CNOT1: variants seen among roughly 807,000 people sequenced by gnomAD.
CNOT1 encodes CCR4-NOT transcription complex subunit 1.
CNOT1 carries 15 observed loss-of-function variants against 273.8 expected under a neutral mutation model. That is an observed-to-expected ratio of 0.05 (90% CI 0.04 to 0.08). CNOT1 has a LOEUF of 0.08. Among genes scored for constraint, CNOT1 ranks in the 10% least tolerant of loss-of-function variants. The probability of loss-of-function intolerance (pLI) is 1.00; values close to 1 mark genes in which losing one functional copy is unlikely to be tolerated. For synonymous variants in CNOT1, 1,022 were observed against 1,005.5 expected (o/e 1.02, Z -0.31); for missense variants, 1,644 against 2,912.2 (o/e 0.56, Z 10.02).
At chr16:58,615,018 G>T (rs1197386529) in intron 1 of CNOT1, among the ~76,000 whole-genome samples, 2 of 69,490 alleles carry the variant, frequency 2.9e-5, no homozygotes, top group East Asian at 2.7e-4. Flanking sequence ...TGTATCCTTT[G>T]CTATTTAAAA....
At chr16:58,549,296 G>GAAAA in intron 25 of CNOT1, among the ~76,000 whole-genome samples, 2 of 119,584 alleles carry the variant, frequency 1.7e-5, no homozygotes, top group Non-Finnish European at 3.4e-5. Context: ...CAAAAAAATT[G>GAAAA]AAAAAAAAAA....
In CNOT1 at chr16:58,543,034, A is replaced by G. The variant is rs1597426409; in HGVS notation, c.4435-466T>C. On this transcript the variant is annotated intron_variant, in intron 31 of 48. Transcript: ENST00000317147. The stretch of plus-strand genomic sequence containing the variant: ...GTTGAACCTCAGAGGTGGAGGATGC[A>G]GTGAGCCAAGACTGCACCACTGTAC... 3 of 1,044,562 alleles carry G rather than the reference A, an allele frequency of 2.9e-6. No homozygotes were observed. In the East Asian group the frequency reaches 1.9e-4, roughly 65 times the overall value. The allele number at this position is 1,044,562 out of a possible 1,614,324, so 64.7% of individuals were successfully genotyped here.
intron 1 of CNOT1, among the ~76,000 whole-genome samples, chr16:58,622,805 C>G (rs1433645984): frequency 2.0e-5 from 3 of 150,800 alleles, no homozygotes; most frequent in African/African-American, 7.3e-5. Context: ...TGAGATCGCA[C>G]CACTGCACTC....
At chr16:58,561,382 C>T (rs1291283893) in intron 16 of CNOT1, among the ~76,000 whole-genome samples, 7 of 152,104 alleles carry the variant, frequency 4.6e-5, no homozygotes. Flanking sequence ...ACCACTTTGT[C>T]AAAAATTATG....
chr16:58,531,593 TA>T (rs1470648949), intron 42 of CNOT1, among the ~76,000 whole-genome samples: 4 of 152,052 alleles, frequency 2.6e-5, no homozygotes, highest in Non-Finnish European at 4.4e-5. Flanking sequence ...ATTTCAACTT[TA>T]AAAACAACAC....
intron 30 of CNOT1, among the ~76,000 whole-genome samples, chr16:58,544,394 T>C (rs1025642220): frequency 9.9e-5 from 15 of 152,210 alleles, no homozygotes; most frequent in African/African-American, 3.6e-4. Context: ...AATCTTTTAT[T>C]GCAGGTGTAA....
chr16:58,544,201 A>G (rs1411384434), intron 30 of CNOT1, among the ~76,000 whole-genome samples: 1 of 152,218 alleles, frequency 6.6e-6, no homozygotes, highest in Non-Finnish European at 1.5e-5. Flanking sequence ...TGGCTTATTT[A>G]AAATTTGTGG....
rs1025799342 is a variant in CNOT1, at chr16:58,599,457, T to G, written c.-120A>C. 3 of 1,223,106 alleles carry G rather than the reference T, an allele frequency of 2.5e-6. No individual in the cohort carries two copies. The African/African-American group carries it at 4.5e-5, about 18-fold the overall frequency. 75.8% of individuals were successfully genotyped at this position (1,223,106 alleles called of 1,614,324 possible). ...AATTAGGCTATATCTGGTATCTGTA[T>G]AATATCTTCAGTTCTTCTTTACCAG... On this transcript the variant is annotated 5_prime_UTR_variant, in exon 2 of 49. Coordinates refer to ENST00000317147, the MANE Select transcript of CNOT1 (RefSeq NM_016284.5).
Position 58,619,956 on chromosome 16 carries a change from T to A in CNOT1, c.-175+9772A>T, listed in dbSNP as rs112951550. On this transcript the variant is annotated intron_variant, in intron 1 of 48. Coordinates refer to ENST00000317147, the MANE Select transcript of CNOT1 (RefSeq NM_016284.5). ...ATAGTCATGATATTCTAAAATCCAA[T>A]GCACAAATGAAACTAAAATCCTGAC... Among the ~76,000 whole-genome samples, 878 of 152,264 alleles carry A rather than the reference T, an allele frequency of 5.8e-3. 7 individuals carry two copies. Among genetic ancestry groups the A allele is most frequent in the Non-Finnish European group, 8.8e-3 (600 of 68,022 alleles).
At chr16:58,604,530 C>A (rs1000477881) in intron 1 of CNOT1, among the ~76,000 whole-genome samples, 1 of 151,636 alleles carries the variant, frequency 6.6e-6, no homozygotes, top group Non-Finnish European at 1.5e-5. Context: ...GCCTGTAATC[C>A]CAGCACTTTG....
chr16:58,605,570 C>T (rs567123683), intron 1 of CNOT1, among the ~76,000 whole-genome samples: 5 of 152,298 alleles, frequency 3.3e-5, no homozygotes, highest in Admixed American at 2.0e-4. Flanking sequence ...TTGTCATTAT[C>T]ATGCCACTGG....
intron 16 of CNOT1, among the ~76,000 whole-genome samples, chr16:58,562,567 T>C (rs1250976325): frequency 6.6e-6 from 1 of 151,488 alleles, no homozygotes; most frequent in Non-Finnish European, 1.5e-5. Context: ...CTCACACCTG[T>C]AATCCCAGCA....
At chr16:58,558,710 C>T in intron 17 of CNOT1, 36 bp from the exon 18 acceptor site, 2 of 1,591,064 alleles carry the variant, frequency 1.3e-6, no homozygotes, top group East Asian at 2.3e-5. Flanking sequence ...ATTAAACATA[C>T]TTCGAGGAAA....
chr16:58,620,072 G>C (rs1366295255), intron 1 of CNOT1, among the ~76,000 whole-genome samples: 1 of 151,926 alleles, frequency 6.6e-6, no homozygotes, highest in Admixed American at 6.6e-5. Context: ...CCAGAGTATC[G>C]ATTTCCAAGA....
At chr16:58,545,571 G>T (rs2040233417) in intron 29 of CNOT1, 80 bp from the exon 30 acceptor site, 2 of 1,573,252 alleles carry the variant, frequency 1.3e-6, no homozygotes, top group South Asian at 2.3e-5. Context: ...ATCATTAAGT[G>T]GTCATTATCT....
chr16:58,571,267 C>T (rs1195382834), intron 16 of CNOT1, among the ~76,000 whole-genome samples: 1 of 152,086 alleles, frequency 6.6e-6, no homozygotes, highest in Admixed American at 6.6e-5. Context: ...AAATATGTAA[C>T]CATTAAGGCC....
Position 58,581,522 on chromosome 16 carries a change from A to G in CNOT1, c.1045-7T>C. The G allele has an allele frequency of 1.2e-6, 2 of 1,609,374 alleles. No individual in the cohort carries two copies. The highest frequency in any genetic ancestry group is 1.7e-6 in the Non-Finnish European group (2 of 1,178,152). On this transcript the variant is annotated splice_region_variant and splice_polypyrimidine_tract_variant and intron_variant, in intron 10 of 48. Transcript: ENST00000317147. ...TGAAATTCAAACTTGGATTCTAAAA[A>G]AGACCAAAGCAGTTTAAAATGTAAT...
rs774281715 is a variant in CNOT1 at position 58,534,424 on chromosome 16, A to T, written c.5647-29T>A. 3.1e-6 allele frequency: 5 copies of T among 1,608,014 alleles called. No homozygotes were observed. The Admixed American group carries it at 8.4e-5, about 27-fold the overall frequency. On this transcript the variant is annotated intron_variant, in intron 39 of 48. Coordinates refer to ENST00000317147, the MANE Select transcript of CNOT1 (RefSeq NM_016284.5). ...CAACAGGAACAAAAAATAAAGACAC[A>T]ATGAGGTAACACACACAAATAAACT...
Position 58,629,785 on chromosome 16 carries a change from C to T in CNOT1, c.-232G>A, listed in dbSNP as rs1415930320. 3.3e-5 allele frequency: 5 copies of T among 152,410 alleles called. No homozygotes were observed. Among genetic ancestry groups the T allele is most frequent in the African/African-American group, 1.2e-4 (5 of 41,476 alleles). The allele number at this position is 152,410 out of a possible 1,614,324, so 9.4% of individuals were successfully genotyped here. ...AACTCCTGGGTCCCCGACTCCGGCT[C>T]TCCTCGACCCCCTCTTCGGTTAACT... On this transcript the variant is annotated 5_prime_UTR_variant, in exon 1 of 49. Transcript: ENST00000317147.
Sources: allele counts gnomAD v4.1 joint callset (sites outside exome capture counted in the v4.1 genomes callset), GRCh38; gene constraint gnomAD v4.1.1; transcripts MANE v1.5; gene names NCBI Gene and HGNC (gene_info 2026-07-23, HGNC 2026-07-21).